ZNF268: variants seen among roughly 807,000 people sequenced by gnomAD.
ZNF268 encodes zinc finger protein 268, also known as zinc finger protein 3.
ZNF268 carries 20 observed loss-of-function variants against 29.3 expected under a neutral mutation model. The ratio of observed to expected loss-of-function variants is 0.68; its 90% CI spans 0.48 to 0.99. ZNF268 has a LOEUF of 0.99. Ranked by LOEUF, ZNF268 falls within the 50% of genes least tolerant of loss-of-function variation. The pLI, the probability that ZNF268 is intolerant of heterozygous loss-of-function variation, is 0.00. For missense variants in ZNF268, 1,240 were observed against 1,121.6 expected, an observed-to-expected ratio of 1.11 and a Z score of -1.51; for synonymous variants, 429 against 376.9, an observed-to-expected ratio of 1.14 and a Z score of -1.60.
At chr12:133,201,766 G>T (rs1246619338) in intron 5 of ZNF268, among the ~76,000 whole-genome samples, 1 of 152,058 alleles carries the variant, frequency 6.6e-6, no homozygotes, top group East Asian at 1.9e-4. Flanking sequence ...ATTATTTTTT[G>T]AATAAATCTA....
chr12:133,197,723 T>C (rs1593909599), intron 5 of ZNF268, among the ~76,000 whole-genome samples: 1 of 152,154 alleles, frequency 6.6e-6, no homozygotes, highest in Non-Finnish European at 1.5e-5. Flanking sequence ...TTTTAATGAT[T>C]GCCATCCTAA....
At chr12:133,188,253 G>A (rs1055286418) in intron 3 of ZNF268, 181 bp downstream of exon 3, 2 of 598,104 alleles carry the variant, frequency 3.3e-6, no homozygotes, top group Non-Finnish European at 5.8e-6. Context: ...GTGGAGCGCA[G>A]TGGTGCAATC....
At position 133,203,242 on chromosome 12, in the gene ZNF268, C is replaced by G. The variant is rs1420257784; in HGVS notation, c.1556C>G (p.Thr519Arg). The change falls in exon 6 of 6, where the codon ACA (threonine) becomes AGA (arginine). Residue 519 changes from threonine to arginine, a missense_variant. Thr to Arg is a moderately conservative substitution (Grantham distance 71). Transcript: ENST00000536435. Reference sequence around the variant, plus strand: ...AGCAAGTCATACCTTATTATACATACAAGGACTCATACAGGAGAAAAACTC... The same window carrying G: ...AGCAAGTCATACCTTATTATACATAGAAGGACTCATACAGGAGAAAAACTC... ...FRSKSYLIIH[T>R]RTHTGEKLHE... is the part of the protein sequence containing the mutation. 8 of 1,536,718 alleles carry G rather than the reference C, an allele frequency of 5.2e-6. No individual in the cohort carries two copies. The highest frequency in any genetic ancestry group is 7.0e-6 in the Non-Finnish European group (8 of 1,146,504).
At chr12:133,191,762 G>A (rs765732901) in intron 4 of ZNF268, 146 bp from the exon 5 acceptor site, 7 of 1,431,018 alleles carry the variant, frequency 4.9e-6, no homozygotes, top group Admixed American at 1.8e-5. Context: ...TGGCAGCAGA[G>A]TATGCCAGTT....
chr12:133,191,555 G>C lies in ZNF268; in HGVS notation c.301G>C (p.Ala101Pro), dbSNP rs1956476137. The change falls in exon 4 of 6, where the codon GCA (alanine) becomes CCA (proline). Residue 101 changes from alanine to proline, a missense_variant. This residue lies in a region of ZNF268 where 1,177 missense variants were observed against 1,039.6 expected (regional missense o/e 1.13). Coordinates refer to ENST00000536435, the MANE Select transcript of ZNF268 (RefSeq NM_003415.3). The part of the protein sequence containing the change: ...TWEEWQLLDP[A>P]QKCLYRSVML... Reference sequence around the variant, plus strand: ...GGAGGAGTGGCAGCTGCTAGACCCAGCACAGAAGTGCCTGTACAGGAGTGT... The same window carrying C: ...GGAGGAGTGGCAGCTGCTAGACCCACCACAGAAGTGCCTGTACAGGAGTGT... 6.2e-7 allele frequency: 1 copy of C among 1,613,916 alleles called. No individual in the cohort carries two copies. Among genetic ancestry groups the C allele is most frequent in the African/African-American group, 1.3e-5 (1 of 74,906 alleles).
rs529902306 is a variant in ZNF268 at position 133,192,073 on chromosome 12, C to G, written c.457+70C>G. On this transcript the variant is annotated intron_variant, in intron 5 of 5. Coordinates refer to ENST00000536435, the MANE Select transcript of ZNF268 (RefSeq NM_003415.3). Reference sequence around the variant, plus strand: ...ATGAATTCCAATGTGATGTGCTCCTCTTGTTTGTACTTTGCCTCGTGTATT... The same window carrying G: ...ATGAATTCCAATGTGATGTGCTCCTGTTGTTTGTACTTTGCCTCGTGTATT... 289 of 1,206,182 alleles carry G rather than the reference C, an allele frequency of 2.4e-4. 6 individuals are homozygous for G. The South Asian group carries it at 3.5e-3, about 14-fold the overall frequency. The allele number at this position is 1,206,182 out of a possible 1,614,324, so 74.7% of individuals were successfully genotyped here. A position where few individuals can be genotyped will look rare whatever the true frequency, so the allele number is the denominator to read the frequency against.
intron 2 of ZNF268, chr12:133,184,812 T>C: frequency 2.6e-6 from 1 of 381,864 alleles, no homozygotes; most frequent in Non-Finnish European, 5.5e-6. Flanking sequence ...ACCATCACAA[T>C]GGGGGTTAAG....
Position 133,203,035 on chromosome 12 carries a change from G to T in ZNF268, c.1349G>T (p.Gly450Val). ...GEKPYVCSDCGKAFTFKSQLI... is the reference protein window; with the variant it reads ...GEKPYVCSDCVKAFTFKSQLI... ...AAACCTTATGTTTGTAGTGATTGTG[G>T]AAAAGCCTTTACATTCAAGTCACAG... Residue 450 changes from glycine (G) to valine (V), a missense_variant, in exon 6 of 6, where the codon GGA becomes GTA. Physicochemically the swap from Gly to Val is moderately radical, Grantham distance 109 (BLOSUM62 -3). Coordinates refer to ENST00000536435, the MANE Select transcript of ZNF268 (RefSeq NM_003415.3). The T allele has an allele frequency of 6.5e-7, 1 of 1,542,048 alleles. No homozygotes were observed. The highest frequency in any genetic ancestry group is 8.7e-7 in the Non-Finnish European group (1 of 1,149,260).
Position 133,212,473 on chromosome 12 carries a change from A to ATATATATATATATATG in ZNF268, c.*7958_*7959insGTATATATATATATAT. Reference sequence around the variant, plus strand: ...TATATATATATATATATATATATATATATATATATATATATATATATATAT... The same window carrying ATATATATATATATATG: ...TATATATATATATATATATATATATATATATATATATATATGTATATATATATATATATATATATAT... On this transcript the variant is annotated 3_prime_UTR_variant, in exon 6 of 6. Transcript: ENST00000536435. The ATATATATATATATATG allele has an allele frequency of 9.3e-5, 1 of 10,764 alleles. No homozygotes were observed. The highest frequency in any genetic ancestry group is 4.0e-3 in the South Asian group (1 of 252). 0.7% of individuals were successfully genotyped at this position (10,764 alleles called of 1,614,324 possible).
chr12:133,193,576 A>G lies in ZNF268; in HGVS notation c.457+1573A>G, dbSNP rs370889549. On this transcript the variant is annotated intron_variant, in intron 5 of 5. Coordinates refer to ENST00000536435, the MANE Select transcript of ZNF268 (RefSeq NM_003415.3). Reference sequence around the variant, plus strand: ...ACAGAAAGAGGGGCAAAAAAGGCCTAAGATCATTCCCTCAAGCCCTTTTAG... The same window carrying G: ...ACAGAAAGAGGGGCAAAAAAGGCCTGAGATCATTCCCTCAAGCCCTTTTAG... 1.5e-5 allele frequency: 9 copies of G among 619,472 alleles called. No homozygotes were observed. The African/African-American group carries it at 1.6e-4, about 11-fold the overall frequency. The allele number at this position is 619,472 out of a possible 1,614,324, so 38.4% of individuals were successfully genotyped here.
At chr12:133,198,512 A>G (rs1956670243) in intron 5 of ZNF268, among the ~76,000 whole-genome samples, 1 of 151,922 alleles carries the variant, frequency 6.6e-6, no homozygotes, top group Admixed American at 6.6e-5. Context: ...TGACTTGGCG[A>G]TGCGGGCTCT....
intron 1 of ZNF268, 37 bp from the exon 2 acceptor site, chr12:133,181,909 T>C: frequency 6.9e-7 from 1 of 1,448,038 alleles, no homozygotes; most frequent in South Asian, 1.2e-5. Flanking sequence ...TGGGGACTGC[T>C]GGGTGACCTC....
chr12:133,191,698 A>C (rs937418160), intron 4 of ZNF268, 83 bp downstream of exon 4: 1 of 1,571,764 alleles, frequency 6.4e-7, no homozygotes, highest in African/African-American at 1.4e-5. Flanking sequence ...CTTCTATGAA[A>C]TACTTAGTGA....
rs1004478382 is a variant in ZNF268 at position 133,209,034 on chromosome 12, C to T, written c.*4504C>T. The stretch of plus-strand genomic sequence containing the variant: ...TCTTGGCTCACTGCAACCTCTGCCT[C>T]CTGGGTTCAAGCAATTCTCCTGCCT... On this transcript the variant is annotated 3_prime_UTR_variant, in exon 6 of 6. Transcript: ENST00000536435. 1 of 151,330 alleles carries T rather than the reference C, an allele frequency of 6.6e-6. No homozygotes were observed. Among genetic ancestry groups the T allele is most frequent in the Non-Finnish European group, 1.5e-5 (1 of 67,966 alleles). 9.4% of individuals were successfully genotyped at this position (151,330 alleles called of 1,614,324 possible). A position where few individuals can be genotyped will look rare whatever the true frequency, so the allele number is the denominator to read the frequency against.
Position 133,214,605 on chromosome 12 carries a change from C to T in ZNF268, c.*10075C>T, listed in dbSNP as rs375163941. On this transcript the variant is annotated 3_prime_UTR_variant, in exon 6 of 6. Coordinates refer to ENST00000536435, the MANE Select transcript of ZNF268 (RefSeq NM_003415.3). ...TATGAAATACCCAGAATGGGTAAAT[C>T]CAAAGAGAGCATATTGGTGGTTGTC... 1 of 152,128 alleles carries T rather than the reference C, an allele frequency of 6.6e-6. No homozygotes were observed. The highest frequency in any genetic ancestry group is 1.9e-4 in the East Asian group (1 of 5,192). 9.4% of individuals were successfully genotyped at this position (152,128 alleles called of 1,614,324 possible). A position where few individuals can be genotyped will look rare whatever the true frequency, so the allele number is the denominator to read the frequency against.
Position 133,198,008 on chromosome 12 carries a change from T to C in ZNF268, c.458-4136T>C, listed in dbSNP as rs1956654253. Among the ~76,000 whole-genome samples, 15 of 152,194 alleles carry C rather than the reference T, an allele frequency of 9.9e-5. No homozygotes were observed. In the South Asian group the frequency reaches 3.1e-3, roughly 32 times the overall value. ...TTGCCTGTTCACTCTGATGGTAGTT[T>C]CTTTTGCTGTGCAGAAGCTCTTTAG... is the stretch of plus-strand genomic sequence containing the variant. On this transcript the variant is annotated intron_variant, in intron 5 of 5. Transcript: ENST00000536435.
rs370608720 is a variant in ZNF268 at position 133,207,454 on chromosome 12, A to G, written c.*2924A>G. The G allele has an allele frequency of 5.3e-5, 8 of 152,364 alleles. No individual in the cohort carries two copies. In the East Asian group the frequency reaches 9.6e-4, roughly 18 times the overall value. The allele number at this position is 152,364 out of a possible 1,614,324, so 9.4% of individuals were successfully genotyped here. Reference sequence around the variant, plus strand: ...TTAACAGACTATTAGTGGATCCAGCATCCTTTGTTCATTACCAGCAGAATC... The same window carrying G: ...TTAACAGACTATTAGTGGATCCAGCGTCCTTTGTTCATTACCAGCAGAATC... On this transcript the variant is annotated 3_prime_UTR_variant, in exon 6 of 6. Coordinates refer to ENST00000536435, the MANE Select transcript of ZNF268 (RefSeq NM_003415.3).
Position 133,202,843 on chromosome 12 carries a change from A to C in ZNF268, c.1157A>C (p.Lys386Thr), listed in dbSNP as rs1457653589. 1.9e-6 allele frequency: 3 copies of C among 1,589,414 alleles called. No individual in the cohort carries two copies. Among genetic ancestry groups the C allele is most frequent in the Non-Finnish European group, 2.6e-6 (3 of 1,170,458 alleles). ...VSHQKTHSGQ[K>T]PYVCNECGKA... ...CACCAGAAAACTCATTCAGGACAGA[A>C]ACCATATGTGTGTAATGAATGTGGG... The change falls in exon 6 of 6, where the codon AAA (lysine) becomes ACA (threonine). Residue 386 changes from lysine (K) to threonine (T), a missense_variant. Around this residue, in one of 3 missense-constraint regions of ZNF268, gnomAD observed 1,177 missense variants for 1,039.6 expected, o/e 1.13. Coordinates refer to ENST00000536435, the MANE Select transcript of ZNF268 (RefSeq NM_003415.3).
chr12:133,182,537 A>T (rs900274242), intron 2 of ZNF268, among the ~76,000 whole-genome samples: 1 of 152,154 alleles, frequency 6.6e-6, no homozygotes, highest in Non-Finnish European at 1.5e-5. Flanking sequence ...GTGCTCTGGG[A>T]GCAGGCTGTG....
Sources: allele counts gnomAD v4.1 joint callset (sites outside exome capture counted in the v4.1 genomes callset), GRCh38; gene constraint gnomAD v4.1.1; regional missense constraint gnomAD v4.1.1; transcripts MANE v1.5; gene names NCBI Gene and HGNC (gene_info 2026-07-23, HGNC 2026-07-21).